KLHDC1: variants seen among roughly 807,000 people sequenced by gnomAD.
The protein encoded by KLHDC1 is kelch domain containing 1, also known as kelch domain-containing protein 1.
Under a neutral mutation model 68.3 loss-of-function variants are expected in KLHDC1, and 53 were observed. The observed-to-expected ratio is 0.78, with a 90% CI of 0.62 to 0.98. KLHDC1 has a LOEUF of 0.98. KLHDC1 is among the 50% of genes least tolerant of loss of function. KLHDC1 has a pLI of 0.00. For missense variants in KLHDC1, 470 were observed against 492.3 expected (o/e 0.95, Z 0.43); for synonymous variants, 148 against 159.0 (o/e 0.93, Z 0.52).
rs1231129663 is a variant in KLHDC1 at position 49,693,748 on chromosome 14, C to CTTTTTTTTTTTTTTTTTTT, written c.96+474_96+475insTTTTTTTTTTTTTTTTTTT. Among the ~76,000 whole-genome samples the CTTTTTTTTTTTTTTTTTTT allele has an allele frequency of 2.3e-3, 139 of 61,554 alleles. 32 individuals carry two copies. The highest frequency in any genetic ancestry group is 3.1e-3 in the South Asian group (3 of 956). The allele number at this position is 61,554 out of a possible 152,430, so 40.4% of individuals were successfully genotyped here. A position where few individuals can be genotyped will look rare whatever the true frequency, so the allele number is the denominator to read the frequency against. On this transcript the variant is annotated intron_variant, in intron 1 of 12. Coordinates refer to ENST00000359332, the MANE Select transcript of KLHDC1 (RefSeq NM_172193.3). ...TAAATATTTATTTTCTTTTCTTTTT[C>CTTTTTTTTTTTTTTTTTTT]TTTTTTTTTTTTTTTTGAGATGGAG...
intron 4 of KLHDC1, among the ~76,000 whole-genome samples, chr14:49,715,057 T>C (rs1019673478): frequency 6.8e-6 from 1 of 147,810 alleles, no homozygotes; most frequent in Non-Finnish European, 1.5e-5. Flanking sequence ...ATATATATTA[T>C]ATATGTTTTT....
rs749882033 is a variant in KLHDC1 at position 49,729,544 on chromosome 14, G to A, written c.706G>A (p.Gly236Arg). The change falls in exon 8 of 13, where the codon GGA (glycine) becomes AGA (arginine). Residue 236 changes from glycine to arginine, a missense_variant. Physicochemically the swap from Gly to Arg is moderately radical, Grantham distance 125. Transcript: ENST00000359332. ...YLNLDTWTWS[G>R]RITINGESPK... ...AAACCTAGACACCTGGACTTGGTCT[G>A]GAAGGTAAGTTTGAAGTCTAAGTAC... 50 of 1,603,098 alleles carry A rather than the reference G, an allele frequency of 3.1e-5. No individual in the cohort carries two copies. Among genetic ancestry groups the A allele is most frequent in the Non-Finnish European group, 4.3e-5 (50 of 1,170,716 alleles).
chr14:49,737,878 A>C (rs1450699719), intron 10 of KLHDC1, among the ~76,000 whole-genome samples: 3 of 151,580 alleles, frequency 2.0e-5, no homozygotes, highest in Non-Finnish European at 4.4e-5. Context: ...AAAAAAAAAA[A>C]AAAAAAAACA....
chr14:49,737,803 T>C (rs985628787), intron 10 of KLHDC1, among the ~76,000 whole-genome samples: 59 of 135,054 alleles, frequency 4.4e-4, no homozygotes, highest in African/African-American at 1.7e-3. Context: ...AGACAGAGGA[T>C]GGAGGAACCA....
At chr14:49,702,085 T>C (rs1473043089) in intron 1 of KLHDC1, among the ~76,000 whole-genome samples, 1 of 151,486 alleles carries the variant, frequency 6.6e-6, no homozygotes, top group Non-Finnish European at 1.5e-5. Flanking sequence ...GGATAATCGC[T>C]TGAACCTGGG....
In KLHDC1 at chr14:49,693,265, T is replaced by A; in HGVS notation, c.71T>A (p.Phe24Tyr). Residue 24 changes from phenylalanine to tyrosine, a missense_variant, in exon 1 of 13, where the codon TTC (phenylalanine) becomes TAC (tyrosine). By Grantham distance (22) the Phe-to-Tyr change is conservative (BLOSUM62 3). Coordinates refer to ENST00000359332, the MANE Select transcript of KLHDC1 (RefSeq NM_172193.3). Reference sequence around the variant, plus strand: ...CACTGCGCCGTGGTGGACGGAAACTTCCTCTACGTGTGGGGGGGCTACGTG... The same window carrying A: ...CACTGCGCCGTGGTGGACGGAAACTACCTCTACGTGTGGGGGGGCTACGTG... Reference protein sequence around the residue: ...SGHCAVVDGNFLYVWGGYVSI... With the variant: ...SGHCAVVDGNYLYVWGGYVSI... 6.4e-7 allele frequency: 1 copy of A among 1,563,336 alleles called. No individual in the cohort carries two copies.
At chr14:49,742,498 C>G (rs1395108723) in intron 11 of KLHDC1, among the ~76,000 whole-genome samples, 2 of 151,624 alleles carry the variant, frequency 1.3e-5, no homozygotes, top group African/African-American at 2.4e-5. Context: ...TGGCAAAACC[C>G]CATCTCTACT....
chr14:49,727,225 T>C (rs1277690159), intron 6 of KLHDC1, among the ~76,000 whole-genome samples: 1 of 151,370 alleles, frequency 6.6e-6, no homozygotes, highest in Non-Finnish European at 1.5e-5. Flanking sequence ...CACTCCAGCC[T>C]GGGCAACAGA....
At chr14:49,712,555 G>A (rs1355135289) in intron 4 of KLHDC1, among the ~76,000 whole-genome samples, 1 of 147,618 alleles carries the variant, frequency 6.8e-6, no homozygotes, top group Non-Finnish European at 1.5e-5. Flanking sequence ...AGGATGAAGT[G>A]CAGTGGTGGA....
At chr14:49,737,049 G>A (rs1321684364) in intron 10 of KLHDC1, among the ~76,000 whole-genome samples, 1 of 152,116 alleles carries the variant, frequency 6.6e-6, no homozygotes, top group Non-Finnish European at 1.5e-5. Context: ...GAAAATATTA[G>A]TGTATAGAGC....
intron 9 of KLHDC1, among the ~76,000 whole-genome samples, chr14:49,733,206 C>A (rs1183381382): frequency 6.6e-6 from 1 of 152,122 alleles, no homozygotes; most frequent in Non-Finnish European, 1.5e-5. Flanking sequence ...CCTGGAAATA[C>A]AAAGTGGGAA....
At chr14:49,732,946 C>T (rs1283076349) in intron 9 of KLHDC1, 130 bp downstream of exon 9, 1 of 600,378 alleles carries the variant, frequency 1.7e-6, no homozygotes, top group Admixed American at 3.0e-5. Context: ...CAATTATTTT[C>T]TTGCATGAAT....
At chr14:49,731,475 T>C (rs1888807283) in intron 8 of KLHDC1, among the ~76,000 whole-genome samples, 1 of 152,018 alleles carries the variant, frequency 6.6e-6, no homozygotes, top group African/African-American at 2.4e-5. Context: ...TTTTATTTAT[T>C]TATTTTTTTT....
chr14:49,743,256 A>G (rs1889111732), intron 11 of KLHDC1, among the ~76,000 whole-genome samples: 1 of 151,416 alleles, frequency 6.6e-6, no homozygotes, highest in Non-Finnish European at 1.5e-5. Context: ...AAAAATTAGC[A>G]GAGCATGGTA....
intron 9 of KLHDC1, among the ~76,000 whole-genome samples, chr14:49,733,196 C>T (rs1490314311): frequency 6.6e-6 from 1 of 151,976 alleles, no homozygotes; most frequent in Non-Finnish European, 1.5e-5. Context: ...CTTAGAAGGC[C>T]CTGGAAATAC....
chr14:49,698,230 G>T (rs1887797542), intron 1 of KLHDC1, among the ~76,000 whole-genome samples: 1 of 152,220 alleles, frequency 6.6e-6, no homozygotes, highest in Admixed American at 6.5e-5. Flanking sequence ...CTGAGACGGA[G>T]TCTTGCTCTG....
chr14:49,724,788 C>T (rs747025631), intron 5 of KLHDC1, among the ~76,000 whole-genome samples: 11 of 150,436 alleles, frequency 7.3e-5, no homozygotes, highest in Non-Finnish European at 1.5e-4. Context: ...AGTTACTAAG[C>T]TAATTATCAT....
chr14:49,697,421 T>A (rs1005204042), intron 1 of KLHDC1, among the ~76,000 whole-genome samples: 3 of 152,170 alleles, frequency 2.0e-5, no homozygotes, highest in Non-Finnish European at 2.9e-5. Flanking sequence ...AGATCATTGA[T>A]CACAGATCAC....
In KLHDC1 at chr14:49,734,524, G is replaced by A. The variant is rs187105425; in HGVS notation, c.824-65G>A. On this transcript the variant is annotated intron_variant, in intron 9 of 12. Coordinates refer to ENST00000359332, the MANE Select transcript of KLHDC1 (RefSeq NM_172193.3). ...CATTTAAATGTAGCATGATAAATTG[G>A]GGGGAAAATTAAAATTGTATCCCAG... 7.8e-4 allele frequency: 684 copies of A among 871,548 alleles called. 5 individuals carry two copies. The African/African-American group carries it at 0.01, about 13-fold the overall frequency. 54.0% of individuals were successfully genotyped at this position (871,548 alleles called of 1,614,324 possible).
Sources: allele counts gnomAD v4.1 joint callset (sites outside exome capture counted in the v4.1 genomes callset), GRCh38; gene constraint gnomAD v4.1.1; transcripts MANE v1.5; gene names NCBI Gene and HGNC (gene_info 2026-07-23, HGNC 2026-07-21).